CRACR2A: variants seen among roughly 807,000 people sequenced by gnomAD.
The protein encoded by CRACR2A is EF-hand calcium-binding domain-containing protein 4B.
Under a neutral mutation model 90.5 loss-of-function variants are expected in CRACR2A, and 79 were observed. The ratio of observed to expected loss-of-function variants is 0.87; its 90% CI spans 0.73 to 1.05. The LOEUF (loss-of-function observed/expected upper bound fraction) is 1.05. Among genes scored for constraint, CRACR2A ranks in the 50% least tolerant of loss-of-function variants. CRACR2A has a pLI of 0.00. For synonymous variants in CRACR2A, 338 were observed against 356.7 expected (o/e 0.95, Z 0.59); for missense variants, 823 against 897.2 (o/e 0.92, Z 1.06).
intron 7 of CRACR2A, among the ~76,000 whole-genome samples, chr12:3,662,822 A>C (rs1459869858): frequency 6.6e-6 from 1 of 152,242 alleles, no homozygotes; most frequent in Non-Finnish European, 1.5e-5. Context: ...AAAGATGTGC[A>C]CATATGGTGA....
At chr12:3,693,616 C>T (rs906208000) in intron 4 of CRACR2A, among the ~76,000 whole-genome samples, 17 of 152,222 alleles carry the variant, frequency 1.1e-4, no homozygotes, top group South Asian at 4.2e-4. Context: ...TCTTCTCTTA[C>T]GGTATGTTGA....
chr12:3,726,873 A>G (rs1470215520), intron 2 of CRACR2A: 2 of 152,140 alleles, frequency 1.3e-5, no homozygotes, highest in Non-Finnish European at 2.9e-5. Context: ...GAAAAAAAAA[A>G]GTGGCTGGGC....
chr12:3,720,536 C>T (rs1163157405), intron 2 of CRACR2A, among the ~76,000 whole-genome samples: 2 of 152,244 alleles, frequency 1.3e-5, no homozygotes, highest in Non-Finnish European at 2.9e-5. Flanking sequence ...GTGCCTGCCA[C>T]AGGTCTCGAC....
intron 9 of CRACR2A, among the ~76,000 whole-genome samples, chr12:3,655,703 G>C (rs1944891294): frequency 6.6e-6 from 1 of 152,196 alleles, no homozygotes; most frequent in Non-Finnish European, 1.5e-5. Flanking sequence ...CAGCCATATA[G>C]ACACTGCCCT....
chr12:3,718,459 C>T (rs1946110505), intron 2 of CRACR2A, among the ~76,000 whole-genome samples: 2 of 152,170 alleles, frequency 1.3e-5, no homozygotes, highest in Non-Finnish European at 2.9e-5. Flanking sequence ...TGATCCCAAG[C>T]CATAGACCTG....
intron 1 of CRACR2A, among the ~76,000 whole-genome samples, chr12:3,736,117 A>G (rs1385268508): frequency 2.0e-5 from 3 of 152,050 alleles, no homozygotes; most frequent in Non-Finnish European, 4.4e-5. Context: ...GATCTCTGGC[A>G]TGAGTGCTAG....
At position 3,698,580 on chromosome 12, in the gene CRACR2A, G is replaced by A. The variant is rs150059920; in HGVS notation, c.-36-1545C>T. On this transcript the variant is annotated intron_variant, in intron 3 of 19. Transcript: ENST00000440314. Reference sequence around the variant, plus strand: ...CAGATCAGGCTACACCCTTTGCTCCGTGTGGCTGAACATGTAATTCCCACA... The same window carrying A: ...CAGATCAGGCTACACCCTTTGCTCCATGTGGCTGAACATGTAATTCCCACA... 5.4e-4 allele frequency among the ~76,000 whole-genome samples: 82 copies of A among 152,318 alleles called. 1 individual carries two copies. The highest frequency in any genetic ancestry group is 6.8e-3 in the Middle Eastern group (2 of 294).
chr12:3,687,187 CT>C (rs79317818), intron 4 of CRACR2A, among the ~76,000 whole-genome samples: 15,142 of 137,232 alleles, frequency 0.11, 779 homozygotes, highest in African/African-American at 0.14. Flanking sequence ...ATCCCATTTT[CT>C]TTTTTTTTTT....
intron 3 of CRACR2A, among the ~76,000 whole-genome samples, chr12:3,710,250 A>G (rs1292587496): frequency 6.6e-6 from 1 of 152,158 alleles, no homozygotes; most frequent in Non-Finnish European, 1.5e-5. Context: ...CTTCAAATAT[A>G]TAGCTCAGTC....
At chr12:3,697,090 A>G in intron 3 of CRACR2A, 55 bp from the exon 4 acceptor site, 1 of 1,495,348 alleles carries the variant, frequency 6.7e-7, no homozygotes, top group Non-Finnish European at 8.9e-7. Context: ...AGTGAGGCTG[A>G]AAAAGAACAA....
chr12:3,645,432 T>C (rs991677318), intron 11 of CRACR2A, among the ~76,000 whole-genome samples: 5 of 152,204 alleles, frequency 3.3e-5, no homozygotes, highest in Non-Finnish European at 5.9e-5. Context: ...GGTCAGGACC[T>C]GTCTCTTCAC....
intron 8 of CRACR2A, among the ~76,000 whole-genome samples, chr12:3,657,681 C>A (rs1027214967): frequency 6.6e-6 from 1 of 152,226 alleles, no homozygotes; most frequent in Non-Finnish European, 1.5e-5. Context: ...AGAGAATCAG[C>A]CCCAGGGAAT....
chr12:3,621,680 A>AAACAACAAAAAAAAC (rs1944142102), intron 17 of CRACR2A, among the ~76,000 whole-genome samples: 1 of 141,968 alleles, frequency 7.0e-6, no homozygotes, highest in East Asian at 2.0e-4. Context: ...AAAAAAAAAA[A>AAACAACAAAAAAAAC]ACCAAAGCAA....
intron 2 of CRACR2A, among the ~76,000 whole-genome samples, chr12:3,714,335 T>C (rs1310321232): frequency 5.3e-5 from 8 of 152,222 alleles, no homozygotes; most frequent in African/African-American, 9.7e-5. Context: ...TAAGCACTTT[T>C]AGATAATGAA....
chr12:3,709,054 T>C (rs1270914517), intron 3 of CRACR2A, among the ~76,000 whole-genome samples: 1 of 152,176 alleles, frequency 6.6e-6, no homozygotes, highest in African/African-American at 2.4e-5. Context: ...ATGTGGGAGA[T>C]ACAGATTTGT....
intron 7 of CRACR2A, among the ~76,000 whole-genome samples, chr12:3,665,545 G>A (rs770251339): frequency 6.6e-6 from 1 of 152,234 alleles, no homozygotes; most frequent in Non-Finnish European, 1.5e-5. Flanking sequence ...AGCACAATAA[G>A]ATGCATTTAA....
rs1944420127 is a variant in CRACR2A at position 3,634,119 on chromosome 12, G to C, written c.1603-383C>G. 3.3e-5 allele frequency among the ~76,000 whole-genome samples: 5 copies of C among 152,292 alleles called. 1 individual carries two copies. In the South Asian group the frequency reaches 1.0e-3, roughly 32 times the overall value. On this transcript the variant is annotated intron_variant, in intron 14 of 19. Transcript: ENST00000440314. ...GAGGGGATCTGAGCGGTGGCTTCAA[G>C]AGGGGGCAGGAATTCTTTCTGTGGG...
intron 3 of CRACR2A, among the ~76,000 whole-genome samples, chr12:3,703,033 A>G (rs1333083549): frequency 6.6e-6 from 1 of 152,248 alleles, no homozygotes; most frequent in Non-Finnish European, 1.5e-5. Flanking sequence ...AATTCAGAGG[A>G]TAAAGCATAG....
At chr12:3,730,021 C>T (rs1209212066) in intron 2 of CRACR2A, 1 of 152,202 alleles carries the variant, frequency 6.6e-6, no homozygotes, top group Non-Finnish European at 1.5e-5. Context: ...CTTTCCCTTC[C>T]ACTTTTCAGC....
Sources: gnomAD v4.1 joint callset for allele counts (sites outside exome capture counted in the v4.1 genomes callset) on GRCh38, gnomAD v4.1.1 for gene constraint, MANE v1.5 for transcripts, NCBI Gene and HGNC (gene_info 2026-07-23, HGNC 2026-07-21) for gene names.